Variants in DPP10 observed in about 807,000 individuals in gnomAD.
DPP10 encodes inactive dipeptidyl peptidase 10.
DPP10 carries 33 observed loss-of-function variants against 120.9 expected under a neutral mutation model. The ratio of observed to expected loss-of-function variants is 0.27; its 90% CI spans 0.21 to 0.37. DPP10 has a LOEUF of 0.37. DPP10 is among the 10% of genes least tolerant of loss of function. DPP10 has a pLI of 1.00. For missense variants in DPP10, 816 were observed against 942.8 expected (o/e 0.87, Z 1.76); for synonymous variants, 337 against 326.1 (o/e 1.03, Z -0.36).
intron 7 of DPP10, among the ~76,000 whole-genome samples, chr2:115,718,355 C>A (rs2092556697): frequency 6.6e-6 from 1 of 152,038 alleles, no homozygotes; most frequent in African/African-American, 2.4e-5. Flanking sequence ...CCAAATATTA[C>A]AAAGAGCAAT....
At chr2:114,950,622 C>G (rs1697716934) in intron 1 of DPP10, among the ~76,000 whole-genome samples, 1 of 151,774 alleles carries the variant, frequency 6.6e-6, no homozygotes, top group Non-Finnish European at 1.5e-5. Flanking sequence ...AGCTGTACAA[C>G]TTAGAACACC....
intron 1 of DPP10, among the ~76,000 whole-genome samples, chr2:115,133,106 T>G (rs12475275): frequency 0.35 from 46,409 of 132,366 alleles, 9,232 homozygotes; most frequent in Non-Finnish European, 0.44. Flanking sequence ...TCTATATATA[T>G]GTATATGTAT....
At chr2:115,497,335 C>T (rs982173) in intron 3 of DPP10, among the ~76,000 whole-genome samples, 1 of 151,982 alleles carries the variant, frequency 6.6e-6, no homozygotes, top group South Asian at 2.1e-4. Context: ...ACCAATGGTT[C>T]GCTTGGCCAA....
At chr2:114,594,369 C>CATAT (rs145248542) in intron 1 of DPP10, among the ~76,000 whole-genome samples, 3,340 of 147,712 alleles carry the variant, frequency 0.023, 123 homozygotes, top group African/African-American at 0.077. Context: ...CTCCCTTTTA[C>CATAT]ATATATATAT....
chr2:115,273,446 C>T (rs780804001), intron 1 of DPP10, among the ~76,000 whole-genome samples: 1 of 152,168 alleles, frequency 6.6e-6, no homozygotes, highest in Admixed American at 6.5e-5. Context: ...ACACTATTCT[C>T]CTGCCTCAGC....
At chr2:115,578,958 A>G (rs1269304959) in intron 5 of DPP10, among the ~76,000 whole-genome samples, 1 of 152,192 alleles carries the variant, frequency 6.6e-6, no homozygotes, top group Admixed American at 6.6e-5. Context: ...AACCTACACA[A>G]TATCAAGCCC....
intron 1 of DPP10, among the ~76,000 whole-genome samples, chr2:114,942,085 A>G (rs2104572638): frequency 6.6e-6 from 1 of 151,498 alleles, no homozygotes; most frequent in East Asian, 2.0e-4. Flanking sequence ...CATCCTGGGT[A>G]ACACGGTAAA....
chr2:115,227,924 CT>C (rs70941034), intron 1 of DPP10, among the ~76,000 whole-genome samples: 87,107 of 120,250 alleles, frequency 0.72, 30,383 homozygotes, highest in East Asian at 0.83. Flanking sequence ...CTTTTTTTTC[CT>C]TTTTTTTTTT....
intron 1 of DPP10, among the ~76,000 whole-genome samples, chr2:114,822,926 C>A (rs1686220054): frequency 6.6e-6 from 1 of 152,154 alleles, no homozygotes; most frequent in Non-Finnish European, 1.5e-5. Flanking sequence ...AGCATTTTGG[C>A]CAAAGCCACT....
intron 1 of DPP10, among the ~76,000 whole-genome samples, chr2:114,947,255 T>A (rs1054235316): frequency 1.3e-5 from 2 of 152,122 alleles, no homozygotes; most frequent in African/African-American, 4.8e-5. Context: ...GTTAGCTTTA[T>A]TTATCAAAAT....
chr2:114,511,642 A>G (rs1684155803), intron 1 of DPP10, among the ~76,000 whole-genome samples: 1 of 152,228 alleles, frequency 6.6e-6, no homozygotes, highest in South Asian at 2.1e-4. Flanking sequence ...AACCACTCCC[A>G]GTCAAATCAA....
intron 1 of DPP10, among the ~76,000 whole-genome samples, chr2:115,160,700 A>G (rs1375286244): frequency 6.6e-6 from 1 of 152,178 alleles, no homozygotes; most frequent in Non-Finnish European, 1.5e-5. Flanking sequence ...CGCCCTAGGG[A>G]AAGCCACGTG....
At chr2:114,589,920 C>G (rs1484659318) in intron 1 of DPP10, among the ~76,000 whole-genome samples, 1 of 151,846 alleles carries the variant, frequency 6.6e-6, no homozygotes, top group South Asian at 2.1e-4. Context: ...AAGCATTTAT[C>G]AAGTATATCT....
At chr2:115,458,641 TAC>T (rs890448880) in intron 3 of DPP10, among the ~76,000 whole-genome samples, 1 of 152,076 alleles carries the variant, frequency 6.6e-6, no homozygotes, top group Non-Finnish European at 1.5e-5. Context: ...TGGATATATA[TAC>T]ACACACACAT....
chr2:115,139,925 A>G (rs1162606249), intron 1 of DPP10, among the ~76,000 whole-genome samples: 1 of 151,990 alleles, frequency 6.6e-6, no homozygotes, highest in African/African-American at 2.4e-5. Context: ...GTTGAATCCT[A>G]TGGGAGAGGG....
At chr2:114,888,461 A>C (rs925579406) in intron 1 of DPP10, among the ~76,000 whole-genome samples, 1 of 152,242 alleles carries the variant, frequency 6.6e-6, no homozygotes, top group African/African-American at 2.4e-5. Flanking sequence ...AATGATCAAG[A>C]TTAAAGAAAA....
chr2:115,293,789 C>T lies in DPP10; in HGVS notation c.61-15450C>T, dbSNP rs1012956624. On this transcript the variant is annotated intron_variant, in intron 1 of 25. Transcript: ENST00000410059. ...TTAGAGTCATAAACCCTGCATGATC[C>T]TGTAAAAATTCATGCTTGATCCCTG... 1.4e-4 allele frequency among the ~76,000 whole-genome samples: 22 copies of T among 151,890 alleles called. 1 individual carries two copies. The highest frequency in any genetic ancestry group is 1.4e-3 in the Admixed American group (22 of 15,246).
chr2:114,937,953 TAGA>T (rs530389205), intron 1 of DPP10, among the ~76,000 whole-genome samples: 27 of 152,296 alleles, frequency 1.8e-4, no homozygotes, highest in Middle Eastern at 3.4e-3. Flanking sequence ...ATTTCCTCCA[TAGA>T]AGATGTGGGA....
chr2:115,437,597 C>T (rs2071610609), intron 3 of DPP10, among the ~76,000 whole-genome samples: 1 of 152,126 alleles, frequency 6.6e-6, no homozygotes, highest in Non-Finnish European at 1.5e-5. Flanking sequence ...ATATGTGGTG[C>T]TTTGAAAATT....
Sources: allele counts gnomAD v4.1 joint callset (sites outside exome capture counted in the v4.1 genomes callset), GRCh38; gene constraint gnomAD v4.1.1; transcripts MANE v1.5; gene names NCBI Gene and HGNC (gene_info 2026-07-23, HGNC 2026-07-21).